Variants in PLEC observed in about 807,000 individuals in gnomAD.
PLEC encodes plectin, also known as hemidesmosomal protein 1.
A neutral mutation model predicts 392.8 loss-of-function variants in PLEC; 216 were observed. The ratio of observed to expected loss-of-function variants is 0.55; its 90% CI spans 0.49 to 0.62. The LOEUF is 0.62. Among genes scored for constraint, PLEC ranks in the 20% least tolerant of loss-of-function variants. The probability of loss-of-function intolerance (pLI) is 0.00; values close to 1 mark genes in which losing one functional copy is unlikely to be tolerated. For missense variants in PLEC, 6,863 were observed against 6,563.4 expected (o/e 1.05, Z -1.58); for synonymous variants, 3,621 against 2,980.6 (o/e 1.21, Z -7.00).
At chr8:143,937,108 C>CGGGGCTGGCTTGGTGAG (rs781896871) in intron 4 of PLEC, 37 bp from the exon 5 acceptor site, 13 of 1,608,308 alleles carry the variant, frequency 8.1e-6, no homozygotes, top group African/African-American at 1.3e-5. Context: ...GCCCACAGGG[C>CGGGGCTGGCTTGGTGAG]GGGGCTGGCT....
rs573345975 is a variant in PLEC, at chr8:143,915,737, G to A, written c.*440C>T. On this transcript the variant is annotated 3_prime_UTR_variant, in exon 32 of 32. Transcript: ENST00000345136. ...AGGGGCTTCTCTGGGTAGACTGGGA[G>A]AGAGGCTGACTGGGGCCCCCCGTCC... The A allele has an allele frequency of 6.4e-6, 1 of 156,306 alleles. No homozygotes were observed. The highest frequency in any genetic ancestry group is 2.4e-5 in the African/African-American group (1 of 41,610). 9.7% of individuals were successfully genotyped at this position (156,306 alleles called of 1,614,324 possible).
upstream of PLEC, among the ~76,000 whole-genome samples, chr8:143,953,568 G>A (rs1832412826): frequency 6.6e-6 from 1 of 152,184 alleles, no homozygotes; most frequent in Non-Finnish European, 1.5e-5. Flanking sequence ...GAGCCCGGAG[G>A]GGGACGAGTC....
chr8:143,918,922 G>A lies in PLEC; in HGVS notation c.10899C>T (p.Arg3633=), dbSNP rs2130951340. The change falls in exon 32 of 32, where the codon CGC becomes CGT. Residue 3633 remains arginine, a synonymous_variant. Transcript: ENST00000345136. ...AGTCGTAGGAGGCCAGACCCTGCTG[G>A]CGGATGATCTCTGTCTTCTCAATGA... ...IEIIEKTEII[R]QQGLASYDYV... The A allele has an allele frequency of 1.2e-6, 2 of 1,610,992 alleles. No individual in the cohort carries two copies. Among genetic ancestry groups the A allele is most frequent in the Non-Finnish European group, 1.7e-6 (2 of 1,180,016 alleles).
exon 1 of PLEC, chr8:143,950,210 G>A (rs1554734904): frequency 6.5e-7 from 1 of 1,546,862 alleles, no homozygotes; most frequent in Non-Finnish European, 8.8e-7. Context: ...CTCCGGGCCT[G>A]GCCTGGCCAG....
Position 143,923,771 on chromosome 8 carries a change from G to A in PLEC, c.6158C>T (p.Ala2053Val), listed in dbSNP as rs1316127379. 4 of 1,568,226 alleles carry A rather than the reference G, an allele frequency of 2.6e-6. No individual in the cohort carries two copies. The highest frequency in any genetic ancestry group is 1.8e-5 in the Admixed American group (1 of 55,914). The change falls in exon 31 of 32, where the codon GCA becomes GTA. Residue 2053 changes from alanine to valine, a missense_variant. By Grantham distance (64) the Ala-to-Val change is moderately conservative (BLOSUM62 0). Transcript: ENST00000345136. ...AQKRLQAEEK[A>V]HAFAVQQKEQ... ...CTTCTGCTGCACCGCGAAGGCGTGT[G>A]CCTTCTCTTCCGCCTGCAGCCGCTT...
At chr8:143,948,577 G>A (rs771743981) in intron 1 of PLEC, among the ~76,000 whole-genome samples, 16 of 152,210 alleles carry the variant, frequency 1.1e-4, no homozygotes, top group Non-Finnish European at 2.1e-4. Context: ...GACTCATCCC[G>A]GAGCTGTGGC....
chr8:143,930,254 T>C lies in PLEC; in HGVS notation c.2502A>G (p.Ala834=). Residue 834 remains alanine, a synonymous_variant, in exon 21 of 32, where the codon GCA becomes GCG. Transcript: ENST00000345136. The part of the protein sequence containing the change: ...KGDECQLVGP[A]QPSHWKVLSS... ...TGAGCACCTTCCAGTGGGACGGCTGTGCAGGGCCCACCAGCTGGCACTCGT... is the reference window on the plus strand; with the variant it reads ...TGAGCACCTTCCAGTGGGACGGCTGCGCAGGGCCCACCAGCTGGCACTCGT... 1 of 1,600,638 alleles carries C rather than the reference T, an allele frequency of 6.2e-7. No homozygotes were observed. Among genetic ancestry groups the C allele is most frequent in the Non-Finnish European group, 8.5e-7 (1 of 1,178,080 alleles).
rs1827304470 is a variant in PLEC at position 143,931,677 on chromosome 8, G to A, written c.2179-18C>T. 6.3e-7 allele frequency: 1 copy of A among 1,592,036 alleles called. No individual in the cohort carries two copies. Among genetic ancestry groups the A allele is most frequent in the Admixed American group, 1.8e-5 (1 of 56,998 alleles). On this transcript the variant is annotated intron_variant, in intron 18 of 31. Transcript: ENST00000345136. ...GAGAAGAACTGGGGCAGCGGGAGGGGGTCACGCCAGGCTACCTGGGACCAG... is the reference window on the plus strand; with the variant it reads ...GAGAAGAACTGGGGCAGCGGGAGGGAGTCACGCCAGGCTACCTGGGACCAG...
chr8:143,918,693 G>T lies in PLEC; in HGVS notation c.11128C>A (p.Leu3710Ile). The change falls in exon 32 of 32, where the codon CTC becomes ATC. Residue 3710 changes from leucine (L) to isoleucine (I), a missense_variant. Transcript: ENST00000345136. ...SRQTLSIYQALKKGLLSAEVA... is the reference protein window; with the variant it reads ...SRQTLSIYQAIKKGLLSAEVA... ...TCGGCACTCAGCAGCCCTTTCTTGA[G>T]AGCCTGGTAGATGCTCAGTGTCTGC... 6.2e-7 allele frequency: 1 copy of T among 1,612,972 alleles called. No homozygotes were observed. The highest frequency in any genetic ancestry group is 1.1e-5 in the South Asian group (1 of 91,086).
At chr8:143,938,979 C>CA (rs554516334) in intron 1 of PLEC, among the ~76,000 whole-genome samples, 292 of 147,254 alleles carry the variant, frequency 2.0e-3, no homozygotes, top group Admixed American at 2.8e-3. Flanking sequence ...CCAGGGCACA[C>CA]AAGTCCCGTC....
chr8:143,927,242 T>G lies in PLEC; in HGVS notation c.3840+10A>C, dbSNP rs1554706872. 5 of 1,612,200 alleles carry G rather than the reference T, an allele frequency of 3.1e-6. No homozygotes were observed. Among genetic ancestry groups the G allele is most frequent in the Non-Finnish European group, 4.2e-6 (5 of 1,179,014 alleles). On this transcript the variant is annotated intron_variant, in intron 28 of 31. Coordinates refer to ENST00000345136, the MANE Select transcript of PLEC (RefSeq NM_201384.3). The stretch of plus-strand genomic sequence containing the variant: ...GGACTTGGGGCCTGGTGCAGGCGGC[T>G]GGGCCTCACCTTGATGGCGTTGATG...
Position 143,917,984 on chromosome 8 carries a change from C to T in PLEC, c.11837G>A (p.Arg3946Gln), listed in dbSNP as rs782131159. The change falls in exon 32 of 32, where the codon CGG becomes CAG. Residue 3946 changes from arginine to glutamine, a missense_variant. Physicochemically the swap from Arg to Gln is conservative, Grantham distance 43. Coordinates refer to ENST00000345136, the MANE Select transcript of PLEC (RefSeq NM_201384.3). ...AGVFVDATKERLSVYQAMKKG... is the reference protein window; with the variant it reads ...AGVFVDATKEQLSVYQAMKKG... ...CTTCATGGCCTGGTACACCGAGAGC[C>T]GTTCCTTGGTGGCGTCCACGAAGAC... 2.0e-5 allele frequency: 33 copies of T among 1,612,478 alleles called. No homozygotes were observed. The highest frequency in any genetic ancestry group is 6.7e-5 in the East Asian group (3 of 44,878).
In PLEC at chr8:143,925,484, G is replaced by A. The variant is rs368728018; in HGVS notation, c.4445C>T (p.Ala1482Val). 1.6e-5 allele frequency: 25 copies of A among 1,595,988 alleles called. No individual in the cohort carries two copies. The highest frequency in any genetic ancestry group is 3.3e-5 in the Admixed American group (2 of 59,882). The stretch of plus-strand genomic sequence containing the variant: ...TCGCTTTTGTGCCTCAGCCTCCTCC[G>A]CCCGTGCACGCAGTGCCTGCAGCTC... ...EGELQALRAR[A>V]EEAEAQKRQA... The change falls in exon 31 of 32, where the codon GCG (alanine) becomes GTG (valine). Residue 1482 changes from alanine to valine, a missense_variant. Ala to Val is a moderately conservative substitution (Grantham distance 64). Coordinates refer to ENST00000345136, the MANE Select transcript of PLEC (RefSeq NM_201384.3).
At chr8:143,941,923 G>C (rs1554728931), upstream of PLEC, among the ~76,000 whole-genome samples, 1 of 152,208 alleles carries the variant, frequency 6.6e-6, no homozygotes, top group African/African-American at 2.4e-5. Flanking sequence ...GCCCTCTGAG[G>C]AGTATCGCCC....
upstream of PLEC, chr8:143,944,507 T>C: frequency 2.1e-6 from 1 of 481,142 alleles, no homozygotes; most frequent in South Asian, 5.4e-5. Flanking sequence ...GCTGAGGGGG[T>C]CTGGGTGAGG....
rs782455932 is a variant in PLEC, at chr8:143,919,695, G to A, written c.10126C>T (p.Arg3376Cys). 21 of 1,602,894 alleles carry A rather than the reference G, an allele frequency of 1.3e-5. No homozygotes were observed. Among genetic ancestry groups the A allele is most frequent in the East Asian group, 6.7e-5 (3 of 44,738 alleles). ...GTTGTGGCTCTCAGCAGGCCCCGGCGCATGGCCTCGTAGATGGACACCTTC... is the reference window on the plus strand; with the variant it reads ...GTTGTGGCTCTCAGCAGGCCCCGGCACATGGCCTCGTAGATGGACACCTTC... ...KEKVSIYEAM[R>C]RGLLRATTAA... The change falls in exon 32 of 32, where the codon CGC becomes TGC. Residue 3376 changes from arginine (R) to cysteine (C), a missense_variant. Physicochemically the swap from Arg to Cys is radical, Grantham distance 180 (BLOSUM62 -3). Coordinates refer to ENST00000345136, the MANE Select transcript of PLEC (RefSeq NM_201384.3).
upstream of PLEC, among the ~76,000 whole-genome samples, chr8:143,957,183 T>A (rs1832640259): frequency 1.3e-5 from 2 of 152,084 alleles, no homozygotes; most frequent in African/African-American, 4.8e-5. Flanking sequence ...GAAAGGGAGC[T>A]GGGGTAGAGG....
At chr8:143,968,576 C>T (rs1238844659) in intron 1 of PLEC, among the ~76,000 whole-genome samples, 1 of 130,184 alleles carries the variant, frequency 7.7e-6, no homozygotes, top group Non-Finnish European at 1.6e-5. Flanking sequence ...AAAAGGCAGA[C>T]CACAGAAACA....
chr8:143,968,529 C>CAAAAAAA lies in PLEC; in HGVS notation c.70+4867_70+4873dup, dbSNP rs57468544. 1.5e-3 allele frequency among the ~76,000 whole-genome samples: 93 copies of CAAAAAAA among 63,696 alleles called. 5 individuals carry two copies. The highest frequency in any genetic ancestry group is 1.8e-3 in the Admixed American group (10 of 5,522). The allele number at this position is 63,696 out of a possible 152,430, so 41.8% of individuals were successfully genotyped here. On this transcript the variant is annotated intron_variant, in intron 1 of 31. Coordinates refer to the PLEC transcript ENST00000356346. ...TGGGTGACAGAGCAAAACTCCATCT[C>CAAAAAAA]AAAAAAAAAAAAAAAAAAGACACCA...
Sources: gnomAD v4.1 joint callset for allele counts (sites outside exome capture counted in the v4.1 genomes callset) on GRCh38, gnomAD v4.1.1 for gene constraint, MANE v1.5 for transcripts, NCBI Gene and HGNC (gene_info 2026-07-23, HGNC 2026-07-21) for gene names.